The following PLCXD3 variants were observed in gnomAD, a reference collection of about 807,000 sequenced individuals.
The protein encoded by PLCXD3 is phosphatidylinositol specific phospholipase C X domain containing 3.
PLCXD3 carries 19 observed loss-of-function variants against 25.5 expected under a neutral mutation model. The ratio of observed to expected loss-of-function variants is 0.75; its 90% CI spans 0.52 to 1.09. PLCXD3 has a LOEUF of 1.09. Ranked by LOEUF, PLCXD3 falls within the 50% of genes least tolerant of loss-of-function variation. The probability of loss-of-function intolerance (pLI) is 0.00; values close to 1 mark genes in which losing one functional copy is unlikely to be tolerated. For synonymous variants in PLCXD3, 174 were observed against 137.6 expected (o/e 1.26, Z -1.85); for missense variants, 411 against 388.1 (o/e 1.06, Z -0.50).
At chr5:41,489,042 C>T (rs982140426) in intron 1 of PLCXD3, among the ~76,000 whole-genome samples, 1 of 152,140 alleles carries the variant, frequency 6.6e-6, no homozygotes, top group Non-Finnish European at 1.5e-5. Flanking sequence ...AGGTTTTCTT[C>T]TAGGGTTTTT....
At chr5:41,349,173 T>C (rs1222864328) in intron 2 of PLCXD3, among the ~76,000 whole-genome samples, 1 of 152,188 alleles carries the variant, frequency 6.6e-6, no homozygotes, top group Non-Finnish European at 1.5e-5. Flanking sequence ...CTAGTAGTTG[T>C]TTAAATGGTC....
intron 1 of PLCXD3, among the ~76,000 whole-genome samples, chr5:41,413,368 C>A (rs867509006): frequency 6.6e-5 from 10 of 152,274 alleles, no homozygotes; most frequent in South Asian, 4.1e-4. Flanking sequence ...TTGGAAGAGT[C>A]ATTTCAAATC....
intron 1 of PLCXD3, among the ~76,000 whole-genome samples, chr5:41,501,930 A>G (rs904413043): frequency 1.3e-5 from 2 of 152,148 alleles, no homozygotes; most frequent in Non-Finnish European, 2.9e-5. Flanking sequence ...AAAGAGATAT[A>G]ACAACCTGAA....
intron 2 of PLCXD3, among the ~76,000 whole-genome samples, chr5:41,337,071 A>C (rs1182323825): frequency 6.6e-6 from 1 of 152,128 alleles, no homozygotes; most frequent in African/African-American, 2.4e-5. Flanking sequence ...CTACATTTTC[A>C]TTTCCAAAAT....
intron 2 of PLCXD3, among the ~76,000 whole-genome samples, chr5:41,317,763 G>A (rs922745984): frequency 2.6e-5 from 4 of 151,852 alleles, no homozygotes; most frequent in Non-Finnish European, 5.9e-5. Context: ...ATGGCAGAAT[G>A]GATCAAGCAG....
rs1049866000 is a variant in PLCXD3 at position 41,384,928 on chromosome 5, G to T, written c.104-2394C>A. Among the ~76,000 whole-genome samples the T allele has an allele frequency of 2.0e-5, 3 of 152,160 alleles. No homozygotes were observed. In the South Asian group the frequency reaches 6.2e-4, roughly 32 times the overall value. ...GCCACAGCACCTCGTATAAAATGGTGCTTCACACTGTAAATATTATTAGAC... is the reference window on the plus strand; with the variant it reads ...GCCACAGCACCTCGTATAAAATGGTTCTTCACACTGTAAATATTATTAGAC... On this transcript the variant is annotated intron_variant, in intron 1 of 2. Transcript: ENST00000377801.
At chr5:41,503,972 T>C (rs1276774280) in intron 1 of PLCXD3, among the ~76,000 whole-genome samples, 3 of 136,940 alleles carry the variant, frequency 2.2e-5, no homozygotes, top group Admixed American at 1.4e-4. Context: ...AAAATGTGTG[T>C]GTGTGTGTGT....
intron 1 of PLCXD3, among the ~76,000 whole-genome samples, chr5:41,480,748 C>A (rs1316785455): frequency 6.6e-6 from 1 of 151,850 alleles, no homozygotes; most frequent in Non-Finnish European, 1.5e-5. Context: ...CGGTGAAACC[C>A]CGTCTCTACT....
At chr5:41,351,516 G>A (rs1744458482) in intron 2 of PLCXD3, among the ~76,000 whole-genome samples, 1 of 152,066 alleles carries the variant, frequency 6.6e-6, no homozygotes, top group Non-Finnish European at 1.5e-5. Context: ...GATTATCTCA[G>A]TCATAAAAGA....
Position 41,489,546 on chromosome 5 carries a change from T to C in PLCXD3, c.103+20878A>G, listed in dbSNP as rs535519123. 3.4e-4 allele frequency among the ~76,000 whole-genome samples: 52 copies of C among 152,292 alleles called. 1 individual carries two copies. The South Asian group carries it at 0.01, about 30-fold the overall frequency. On this transcript the variant is annotated intron_variant, in intron 1 of 2. Transcript: ENST00000377801. Reference sequence around the variant, plus strand: ...AGTATGGCAATTTTCACAATATTGATTCTTCCTACCCATGAGCATGGAATG... The same window carrying C: ...AGTATGGCAATTTTCACAATATTGACTCTTCCTACCCATGAGCATGGAATG...
intron 1 of PLCXD3, among the ~76,000 whole-genome samples, chr5:41,498,747 A>C (rs1748891794): frequency 6.6e-6 from 1 of 151,858 alleles, no homozygotes; most frequent in African/African-American, 2.4e-5. Context: ...TAAATGAATA[A>C]ATCCTCAATA....
chr5:41,360,376 G>A (rs1158308344), intron 2 of PLCXD3, among the ~76,000 whole-genome samples: 1 of 152,068 alleles, frequency 6.6e-6, no homozygotes, highest in Non-Finnish European at 1.5e-5. Context: ...ATTTCATCTT[G>A]GTTTGGATCC....
At chr5:41,420,407 A>G (rs1580364224) in intron 1 of PLCXD3, among the ~76,000 whole-genome samples, 1 of 152,340 alleles carries the variant, frequency 6.6e-6, no homozygotes, top group African/African-American at 2.4e-5. Flanking sequence ...CATGATCTCT[A>G]GTGGCATAAA....
chr5:41,464,235 T>A (rs541100331), intron 1 of PLCXD3, among the ~76,000 whole-genome samples: 1 of 152,092 alleles, frequency 6.6e-6, no homozygotes, highest in South Asian at 2.1e-4. Context: ...GAGCCATTTA[T>A]TGAGTTCTCC....
chr5:41,474,241 G>A (rs565176474), intron 1 of PLCXD3, among the ~76,000 whole-genome samples: 1 of 152,258 alleles, frequency 6.6e-6, no homozygotes, highest in African/African-American at 2.4e-5. Flanking sequence ...GGAGGTAACT[G>A]GTAGGCTTCT....
chr5:41,438,848 C>G (rs921365146), intron 1 of PLCXD3, among the ~76,000 whole-genome samples: 1 of 150,600 alleles, frequency 6.6e-6, no homozygotes, highest in Admixed American at 6.6e-5. Flanking sequence ...TGACTAAAGT[C>G]AGAGCATAAA....
At chr5:41,471,496 C>T (rs1748157429) in intron 1 of PLCXD3, among the ~76,000 whole-genome samples, 1 of 152,170 alleles carries the variant, frequency 6.6e-6, no homozygotes, top group African/African-American at 2.4e-5. Flanking sequence ...GAGAATCGCC[C>T]ATCCCAGTGG....
At chr5:41,475,718 T>C (rs1463979968) in intron 1 of PLCXD3, 1 of 534,624 alleles carries the variant, frequency 1.9e-6, no homozygotes, top group Non-Finnish European at 3.8e-6. Flanking sequence ...CAGTTACTAC[T>C]TGAGACTGTC....
intron 2 of PLCXD3, among the ~76,000 whole-genome samples, chr5:41,362,838 T>C (rs1744826632): frequency 6.6e-6 from 1 of 151,280 alleles, no homozygotes; most frequent in African/African-American, 2.4e-5. Flanking sequence ...TTAGGGTCAT[T>C]CTTTAATAAT....
Sources: gnomAD v4.1 joint callset for allele counts (sites outside exome capture counted in the v4.1 genomes callset) on GRCh38, gnomAD v4.1.1 for gene constraint, MANE v1.5 for transcripts, NCBI Gene and HGNC (gene_info 2026-07-23, HGNC 2026-07-21) for gene names.